DGKB: variants seen among roughly 807,000 people sequenced by gnomAD.
DGKB encodes the protein diacylglycerol kinase beta, also known as 90 kDa diacylglycerol kinase.
DGKB carries 67 observed loss-of-function variants against 114.3 expected under a neutral mutation model. The ratio of observed to expected loss-of-function variants is 0.59; its 90% CI spans 0.48 to 0.72. DGKB has a LOEUF of 0.72. DGKB is among the 30% of genes least tolerant of loss of function. DGKB has a pLI of 0.00. For synonymous variants in DGKB, 398 were observed against 323.1 expected (o/e 1.23, Z -2.49); for missense variants, 907 against 975.2 (o/e 0.93, Z 0.93).
intron 21 of DGKB, among the ~76,000 whole-genome samples, chr7:14,434,855 T>A (rs1403842004): frequency 6.6e-6 from 1 of 152,120 alleles, no homozygotes; most frequent in Non-Finnish European, 1.5e-5. Context: ...ACGTTAATCA[T>A]TGGAATAAAA....
intron 6 of DGKB, among the ~76,000 whole-genome samples, chr7:14,704,002 A>G (rs1825684154): frequency 6.6e-6 from 1 of 152,078 alleles, no homozygotes; most frequent in Non-Finnish European, 1.5e-5. Flanking sequence ...TTACCTCTAA[A>G]TCGAAAAATA....
chr7:14,821,203 C>T (rs1054916339), intron 2 of DGKB, among the ~76,000 whole-genome samples: 1 of 152,096 alleles, frequency 6.6e-6, no homozygotes, highest in Non-Finnish European at 1.5e-5. Context: ...TATATGAAGA[C>T]TATAGCTATT....
intron 20 of DGKB, among the ~76,000 whole-genome samples, chr7:14,481,043 T>A (rs1782912908): frequency 6.6e-6 from 1 of 151,910 alleles, no homozygotes; most frequent in African/African-American, 2.4e-5. Context: ...GAAATGAAAA[T>A]AAGTCAATCT....
intron 2 of DGKB, among the ~76,000 whole-genome samples, chr7:14,782,730 C>G (rs576418258): frequency 7.0e-4 from 106 of 152,074 alleles, no homozygotes; most frequent in Non-Finnish European, 1.2e-3. Context: ...GATGAGAAAG[C>G]CCCATAGAAG....
At chr7:14,381,950 G>C (rs1819547420) in intron 21 of DGKB, among the ~76,000 whole-genome samples, 1 of 152,192 alleles carries the variant, frequency 6.6e-6, no homozygotes, top group South Asian at 2.1e-4. Context: ...ATTCTGCAAA[G>C]TTTTTGTTAT....
rs530532942 is a variant in DGKB at position 14,218,112 on chromosome 7, T to G, written c.2123-39961A>C. Among the ~76,000 whole-genome samples, 231 of 152,220 alleles carry G rather than the reference T, an allele frequency of 1.5e-3. 1 individual carries two copies. The highest frequency in any genetic ancestry group is 3.4e-3 in the Middle Eastern group (1 of 294). Reference sequence around the variant, plus strand: ...ACATGTCCCAGATGAAACTTCGTGTTCATAACACTTAAGCCTTCAAAGTGT... The same window carrying G: ...ACATGTCCCAGATGAAACTTCGTGTGCATAACACTTAAGCCTTCAAAGTGT... On this transcript the variant is annotated intron_variant, in intron 23 of 25. Transcript: ENST00000402815.
At chr7:14,647,926 G>A (rs1371770907) in intron 13 of DGKB, among the ~76,000 whole-genome samples, 1 of 152,224 alleles carries the variant, frequency 6.6e-6, no homozygotes, top group East Asian at 1.9e-4. Context: ...AGAATACTGT[G>A]CTTTTCTGAC....
intron 13 of DGKB, among the ~76,000 whole-genome samples, chr7:14,641,017 GA>G (rs759533288): frequency 8.5e-5 from 13 of 152,120 alleles, no homozygotes; most frequent in Admixed American, 3.9e-4. Context: ...AAATTTCTTT[GA>G]AAGGTGAAAG....
chr7:14,848,098 C>T (rs1057053148), intron 1 of DGKB, among the ~76,000 whole-genome samples: 1 of 152,138 alleles, frequency 6.6e-6, no homozygotes, highest in African/African-American at 2.4e-5. Context: ...AAGAAGTCCA[C>T]TTTAATCAGT....
At chr7:14,344,113 A>T (rs1812085857) in intron 22 of DGKB, among the ~76,000 whole-genome samples, 1 of 150,662 alleles carries the variant, frequency 6.6e-6, no homozygotes, top group African/African-American at 2.4e-5. Flanking sequence ...ATTTGTGTGC[A>T]TATATCATAC....
chr7:14,757,669 A>G lies in DGKB; in HGVS notation c.133T>C (p.Tyr45His). 6.3e-7 allele frequency: 1 copy of G among 1,597,970 alleles called. No homozygotes were observed. Among genetic ancestry groups the G allele is most frequent in the Non-Finnish European group, 8.6e-7 (1 of 1,167,014 alleles). Residue 45 changes from tyrosine (Y) to histidine (H), a missense_variant, in exon 3 of 26, where the codon TAT becomes CAT. Coordinates refer to ENST00000402815, the MANE Select transcript of DGKB (RefSeq NM_001350709.2). ...AGAAGTTTTACCCCTTCAGGATTAT[A>G]CTTTGCAAGCACACCATTACCATGG... ...EFHGNGVLAK[Y>H]NPEGKQDILN... is the part of the protein sequence containing the mutation.
At chr7:14,335,599 A>G (rs919583556) in intron 23 of DGKB, among the ~76,000 whole-genome samples, 1 of 152,188 alleles carries the variant, frequency 6.6e-6, no homozygotes, top group African/African-American at 2.4e-5. Context: ...TATTAATTTG[A>G]CTGTAGGTTA....
In DGKB at chr7:14,146,628, AC is replaced by A. The variant is rs943525283; in HGVS notation, c.*2502del. 34 of 152,294 alleles carry A rather than the reference AC, an allele frequency of 2.2e-4. No homozygotes were observed. Among genetic ancestry groups the A allele is most frequent in the African/African-American group, 7.9e-4 (33 of 41,570 alleles). The allele number at this position is 152,294 out of a possible 1,614,324, so 9.4% of individuals were successfully genotyped here. On this transcript the variant is annotated 3_prime_UTR_variant, in exon 26 of 26. Transcript: ENST00000402815. Reference sequence around the variant, plus strand: ...TCTCTGATTTCAAACCCATCAAGTTACGTTTTTAAAAACTACTTTCCAAACC... The same window carrying A: ...TCTCTGATTTCAAACCCATCAAGTTAGTTTTTAAAAACTACTTTCCAAACC...
At chr7:14,340,017 C>T (rs1485418734) in intron 22 of DGKB, among the ~76,000 whole-genome samples, 1 of 151,878 alleles carries the variant, frequency 6.6e-6, no homozygotes, top group Non-Finnish European at 1.5e-5. Context: ...AGGATTGCAT[C>T]TTGTTCACTG....
intron 6 of DGKB, among the ~76,000 whole-genome samples, chr7:14,702,514 G>C (rs1825375784): frequency 6.6e-6 from 1 of 152,168 alleles, no homozygotes; most frequent in Non-Finnish European, 1.5e-5. Context: ...CAGGAAAGCA[G>C]ATGACAGAGG....
intron 20 of DGKB, among the ~76,000 whole-genome samples, chr7:14,485,031 G>C (rs1331522390): frequency 6.7e-6 from 1 of 150,072 alleles, no homozygotes; most frequent in Non-Finnish European, 1.5e-5. Context: ...TAAATATATA[G>C]GTAAAAAGTC....
chr7:14,956,225 T>G (rs1786499976), intron 1 of DGKB, among the ~76,000 whole-genome samples: 1 of 151,928 alleles, frequency 6.6e-6, no homozygotes, highest in Non-Finnish European at 1.5e-5. Context: ...TAAAGGAGAT[T>G]TCACACATTT....
chr7:14,682,386 G>C (rs1820989581), intron 12 of DGKB, among the ~76,000 whole-genome samples, 167 bp downstream of exon 12: 1 of 152,062 alleles, frequency 6.6e-6, no homozygotes, highest in Non-Finnish European at 1.5e-5. Flanking sequence ...GGACAAATCT[G>C]ACCCTGAGCC....
chr7:14,934,667 C>T (rs565021012), intron 1 of DGKB, among the ~76,000 whole-genome samples: 2 of 152,154 alleles, frequency 1.3e-5, no homozygotes, highest in Admixed American at 1.3e-4. Flanking sequence ...TAATATTCTA[C>T]CTGACACAAT....
Sources: allele counts gnomAD v4.1 joint callset (sites outside exome capture counted in the v4.1 genomes callset), GRCh38; gene constraint gnomAD v4.1.1; transcripts MANE v1.5; gene names NCBI Gene and HGNC (gene_info 2026-07-23, HGNC 2026-07-21).